KRTAP13-4: variants seen among roughly 807,000 people sequenced by gnomAD.
The protein encoded by KRTAP13-4 is keratin associated protein 13-4, also known as keratin-associated protein 13-4.
For missense variants in KRTAP13-4, 198 were observed against 189.6 expected (o/e 1.04, Z -0.26); for synonymous variants, 80 against 77.2 (o/e 1.04, Z -0.19).
At chr21:30,430,652 G>A in exon 1 of KRTAP13-4, 3 of 1,614,194 alleles carry the variant, frequency 1.9e-6, no homozygotes, top group Non-Finnish European at 1.7e-6. Context: ...CCTTCCCTGA[G>A]TTACGGATCC....
At chr21:30,430,364 T>C (rs1341725483) in exon 1 of KRTAP13-4, 2 of 1,614,148 alleles carry the variant, frequency 1.2e-6, no homozygotes, top group South Asian at 1.1e-5. Context: ...AGCAGCCTGG[T>C]CTACAGCACT....
exon 1 of KRTAP13-4, chr21:30,430,433 A>G: frequency 6.2e-7 from 1 of 1,614,064 alleles, no homozygotes. Flanking sequence ...GACTGTCAGA[A>G]GACCTGCTGG....
At chr21:30,430,661 C>T in exon 1 of KRTAP13-4, 1 of 1,614,208 alleles carries the variant, frequency 6.2e-7, no homozygotes, top group Non-Finnish European at 8.5e-7. Flanking sequence ...AGTTACGGAT[C>T]CAGATTCTGC....
At chr21:30,430,368 C>T (rs749484449) in exon 1 of KRTAP13-4, 24 of 1,614,092 alleles carry the variant, frequency 1.5e-5, no homozygotes, top group African/African-American at 2.7e-5. Flanking sequence ...GCCTGGTCTA[C>T]AGCACTGCCC....
At chr21:30,430,338 C>A in the KRTAP13-4 span, 3 of 1,613,868 alleles carry the variant, frequency 1.9e-6, no homozygotes, top group East Asian at 4.5e-5. Flanking sequence ...ACCTGTACTA[C>A]CCAGGCTCCT....
exon 1 of KRTAP13-4, chr21:30,430,492 C>T (rs779170415): frequency 9.9e-6 from 16 of 1,614,112 alleles, no homozygotes; most frequent in Non-Finnish European, 1.4e-5. Flanking sequence ...GACCTCCATC[C>T]TCTGCTGTCC....
rs764190726 is a variant in KRTAP13-4 at position 30,430,783 on chromosome 21, G to T, written c.*25G>T. On this transcript the variant is annotated 3_prime_UTR_variant, in exon 1 of 1. Coordinates refer to ENST00000334068, the Ensembl canonical transcript of KRTAP13-4. ...AATTTCTAGATCCTTTTGAGTATTG[G>T]GATCAAAGTCTCTACTGAATGCAGC... is the stretch of plus-strand genomic sequence containing the variant. 8.2e-6 allele frequency: 13 copies of T among 1,577,350 alleles called. No individual in the cohort carries two copies. The African/African-American group carries it at 1.8e-4, about 21-fold the overall frequency.
chr21:30,430,631 G>A (rs1429346492), exon 1 of KRTAP13-4: 1 of 1,614,146 alleles, frequency 6.2e-7, no homozygotes, highest in African/African-American at 1.3e-5. Context: ...AAATATGGAG[G>A]CTGTGGTTTT....
exon 1 of KRTAP13-4, chr21:30,430,854 A>C: frequency 7.0e-7 from 1 of 1,433,614 alleles, no homozygotes; most frequent in Non-Finnish European, 9.4e-7. Flanking sequence ...TTATTCTTCC[A>C]CCACCAGCTT....
exon 1 of KRTAP13-4, chr21:30,430,732 T>C: frequency 1.2e-6 from 2 of 1,611,416 alleles, no homozygotes; most frequent in African/African-American, 2.7e-5. Context: ...AATCTGTGGA[T>C]CTCGCTTCTA....
chr21:30,430,920 T>C (rs1403746317), exon 1 of KRTAP13-4: 1 of 713,760 alleles, frequency 1.4e-6, no homozygotes, highest in Non-Finnish European at 2.3e-6. Context: ...TAATATTAAC[T>C]TCTAATATCT....
In KRTAP13-4 at chr21:30,430,456, T is replaced by A. The variant is rs768166256; in HGVS notation, c.181T>A (p.Cys61Ser). The change falls in exon 1 of 1, where the codon TGC (cysteine) becomes AGC (serine). Residue 61 changes from cysteine to serine, a missense_variant. Coordinates refer to ENST00000334068, the Ensembl canonical transcript of KRTAP13-4. ...GAAGACCTGCTGGGAGCCCGCCAGC[T>A]GCCAGAAATCCTGCTACCGCCCCAG... 4.3e-6 allele frequency: 7 copies of A among 1,614,042 alleles called. No individual in the cohort carries two copies. In the South Asian group the frequency reaches 7.7e-5, roughly 18 times the overall value.
chr21:30,430,974 CTG>C (rs1344567223), exon 1 of KRTAP13-4: 1 of 464,870 alleles, frequency 2.2e-6, no homozygotes, highest in Non-Finnish European at 3.8e-6. Flanking sequence ...CATCCAAAAA[CTG>C]TTGAAAATGG....
rs545711028 is a variant in KRTAP13-4 at position 30,430,533 on chromosome 21, C to T, written c.258C>T (p.Gly86=). The T allele has an allele frequency of 2.5e-6, 4 of 1,614,198 alleles. 1 individual carries two copies. In the South Asian group the frequency reaches 3.3e-5, roughly 13 times the overall value. Reference sequence around the variant, plus strand: ...AGACGACTTGCTCTGGATCTCTAGGCTTTCGGTCCAGCAGCTGTCGCTCCC... The same window carrying T: ...AGACGACTTGCTCTGGATCTCTAGGTTTTCGGTCCAGCAGCTGTCGCTCCC... The change falls in exon 1 of 1, where the codon GGC becomes GGT. Residue 86 remains glycine (G), a synonymous_variant. Coordinates refer to ENST00000334068, the Ensembl canonical transcript of KRTAP13-4.
At chr21:30,430,890 T>C in exon 1 of KRTAP13-4, 1 of 1,017,500 alleles carries the variant, frequency 9.8e-7, no homozygotes, top group Non-Finnish European at 1.5e-6. Context: ...TCTGGCAGAC[T>C]GCGAAATTAA....
At chr21:30,430,263 A>C (rs779215350) in exon 1 of KRTAP13-4, 18 of 1,585,624 alleles carry the variant, frequency 1.1e-5, no homozygotes, top group African/African-American at 2.7e-5. Context: ...CTGAACTCCC[A>C]TCTCTCATCA....
chr21:30,430,529 T>C lies in KRTAP13-4; in HGVS notation c.254T>C (p.Leu85Pro), dbSNP rs1984428952. 3.1e-6 allele frequency: 5 copies of C among 1,614,076 alleles called. No homozygotes were observed. The South Asian group carries it at 5.5e-5, about 18-fold the overall frequency. The change falls in exon 1 of 1, where the codon CTA (leucine) becomes CCA (proline). Residue 85 changes from leucine (L) to proline (P), a missense_variant. By Grantham distance (98) the Leu-to-Pro change is moderately conservative. Transcript: ENST00000334068. ...TGTCAGACGACTTGCTCTGGATCTC[T>C]AGGCTTTCGGTCCAGCAGCTGTCGC...
chr21:30,430,829 G>T, exon 1 of KRTAP13-4: 1 of 1,506,622 alleles, frequency 6.6e-7, no homozygotes, highest in Non-Finnish European at 8.9e-7. Flanking sequence ...ATTCTTGCCA[G>T]ATCCCAATAT....
exon 1 of KRTAP13-4, chr21:30,430,961 T>A: frequency 2.0e-6 from 1 of 503,156 alleles, no homozygotes; most frequent in Non-Finnish European, 3.4e-6. Flanking sequence ...GCTATCTGAT[T>A]TTCATCCAAA....
Sources: gnomAD v4.1 joint callset for allele counts on GRCh38, gnomAD v4.1.1 for gene constraint, MANE v1.5 for transcripts, NCBI Gene and HGNC (gene_info 2026-07-23, HGNC 2026-07-21) for gene names.